Variants in USP53 observed in about 807,000 individuals in gnomAD.
USP53 encodes the protein ubiquitin specific peptidase 53.
A neutral mutation model predicts 94.9 loss-of-function variants in USP53; 71 were observed. That is an observed-to-expected ratio of 0.75 (90% CI 0.62 to 0.91). The LOEUF (loss-of-function observed/expected upper bound fraction) is 0.91. USP53 is among the 40% of genes least tolerant of loss of function. The pLI is 0.00. For missense variants in USP53, 1,173 were observed against 1,281.0 expected (o/e 0.92, Z 1.29); for synonymous variants, 375 against 422.7 (o/e 0.89, Z 1.39).
chr4:119,251,832 C>T (rs964100009), intron 7 of USP53, among the ~76,000 whole-genome samples: 18 of 152,268 alleles, frequency 1.2e-4, no homozygotes, highest in African/African-American at 4.3e-4. Context: ...GGAATGCTTC[C>T]AGTTTTTGTC....
At chr4:119,265,843 T>C (rs1751064201) in intron 12 of USP53, among the ~76,000 whole-genome samples, 1 of 152,252 alleles carries the variant, frequency 6.6e-6, no homozygotes, top group African/African-American at 2.4e-5. Context: ...GTGGTGTTTT[T>C]GTTTGGTTGG....
At chr4:119,264,064 A>AAAAC (rs1317883186) in intron 12 of USP53, among the ~76,000 whole-genome samples, 6 of 152,192 alleles carry the variant, frequency 3.9e-5, no homozygotes, top group African/African-American at 1.4e-4. Flanking sequence ...ACTCCGTCTC[A>AAAAC]AAACAAACAA....
At chr4:119,291,366 G>A (rs10006850) in intron 18 of USP53, 105 bp downstream of exon 18, 470,934 of 614,876 alleles carry the variant, frequency 0.77, 180,509 homozygotes, top group Non-Finnish European at 0.78. Context: ...CTATAGTATT[G>A]AGATGCCTTT....
intron 3 of USP53, among the ~76,000 whole-genome samples, chr4:119,230,223 A>G (rs1481370151): frequency 6.6e-6 from 1 of 152,142 alleles, no homozygotes; most frequent in Non-Finnish European, 1.5e-5. Context: ...ATACATATAT[A>G]CACCTCCTTG....
At chr4:119,225,028 T>C (rs1745048629) in intron 3 of USP53, among the ~76,000 whole-genome samples, 1 of 152,062 alleles carries the variant, frequency 6.6e-6, no homozygotes, top group Non-Finnish European at 1.5e-5. Flanking sequence ...TTCTTTGAAA[T>C]TATCAATAAA....
In USP53 at chr4:119,292,361, G is replaced by C. The variant is rs779074225; in HGVS notation, c.2372G>C (p.Gly791Ala). The change falls in exon 19 of 19, where the codon GGA becomes GCA. Residue 791 changes from glycine (G) to alanine (A), a missense_variant. Physicochemically the swap from Gly to Ala is moderately conservative, Grantham distance 60. Transcript: ENST00000692078. The part of the protein sequence containing the change: ...IKRSHVHEDN[G>A]KLFPSSSLQI... ...AGATCACATGTACATGAAGACAATG[G>C]AAAGTTATTTCCTTCATCCAGTCTA... 1.9e-6 allele frequency: 3 copies of C among 1,603,792 alleles called. No individual in the cohort carries two copies. In the South Asian group the frequency reaches 3.4e-5, roughly 18 times the overall value.
rs1016756035 is a variant in USP53, at chr4:119,212,727, C to G, written c.-1088C>G. 8.8e-6 allele frequency: 3 copies of G among 341,404 alleles called. No individual in the cohort carries two copies. Among genetic ancestry groups the G allele is most frequent in the African/African-American group, 6.5e-5 (3 of 46,500 alleles). 21.1% of individuals were successfully genotyped at this position (341,404 alleles called of 1,614,324 possible). Reference sequence around the variant, plus strand: ...GCCTGTGCTCCAGTTCCCGGTGAGCCTCGGTACTGTGGCAGCAGTCAGTGT... The same window carrying G: ...GCCTGTGCTCCAGTTCCCGGTGAGCGTCGGTACTGTGGCAGCAGTCAGTGT... On this transcript the variant is annotated 5_prime_UTR_variant, in exon 1 of 19. Coordinates refer to ENST00000692078, the MANE Select transcript of USP53 (RefSeq NM_001371395.1).
At chr4:119,240,053 G>C in intron 5 of USP53, 150 bp downstream of exon 5, 6 of 881,796 alleles carry the variant, frequency 6.8e-6, no homozygotes, top group Non-Finnish European at 9.0e-6. Flanking sequence ...AAGTGTTTTG[G>C]CTGGTCATTT....
In USP53 at chr4:119,261,783, C is replaced by T; in HGVS notation, c.891C>T (p.Tyr297=). 6.5e-7 allele frequency: 1 copy of T among 1,539,408 alleles called. No homozygotes were observed. The highest frequency in any genetic ancestry group is 8.9e-7 in the Non-Finnish European group (1 of 1,128,382). The change falls in exon 12 of 19, where the codon TAC becomes TAT. Residue 297 remains tyrosine (Y), a synonymous_variant. Transcript: ENST00000692078. ...SELNLVGMIC[Y]TSQHYCAFAF... ...TTAACCTTGTTGGTATGATCTGCTACACCAGCCAACATTATTGTGCCTTTG... is the reference window on the plus strand; with the variant it reads ...TTAACCTTGTTGGTATGATCTGCTATACCAGCCAACATTATTGTGCCTTTG...
intron 17 of USP53, among the ~76,000 whole-genome samples, chr4:119,274,400 A>G (rs1310606070): frequency 6.6e-6 from 1 of 151,958 alleles, no homozygotes; most frequent in East Asian, 1.9e-4. Context: ...TTCCAATTTC[A>G]TCCATGTCCC....
At chr4:119,256,044 C>T (rs1014274446) in intron 7 of USP53, among the ~76,000 whole-genome samples, 3 of 150,702 alleles carry the variant, frequency 2.0e-5, no homozygotes, top group Non-Finnish European at 2.9e-5. Context: ...AATTAAACAA[C>T]ATTTTCTTTC....
intron 10 of USP53, 78 bp from the exon 11 acceptor site, chr4:119,260,429 C>A: frequency 7.8e-7 from 1 of 1,288,010 alleles, no homozygotes; most frequent in South Asian, 1.8e-5. Flanking sequence ...TTAAAATTGT[C>A]ATTATATAAT....
chr4:119,215,577 G>T lies in USP53; in HGVS notation c.-789+1355G>T, dbSNP rs184231959. 7.2e-5 allele frequency among the ~76,000 whole-genome samples: 11 copies of T among 152,164 alleles called. No homozygotes were observed. In the East Asian group the frequency reaches 1.9e-3, roughly 27 times the overall value. On this transcript the variant is annotated intron_variant, in intron 2 of 18. Coordinates refer to ENST00000692078, the MANE Select transcript of USP53 (RefSeq NM_001371395.1). ...AGAACTGTGGTCTGTGGTTAGAATT[G>T]AGTTTTAATATAATTGGTTTTCTTT...
intron 10 of USP53, among the ~76,000 whole-genome samples, chr4:119,260,252 A>G (rs988735571): frequency 2.6e-5 from 4 of 152,092 alleles, no homozygotes; most frequent in Non-Finnish European, 5.9e-5. Flanking sequence ...ACTGACTTCA[A>G]GAGTTTTATT....
intron 15 of USP53, among the ~76,000 whole-genome samples, chr4:119,270,736 T>G (rs1023972571): frequency 1.3e-5 from 2 of 152,238 alleles, no homozygotes; most frequent in Non-Finnish European, 2.9e-5. Context: ...ACAGGCTGAT[T>G]TAAGATTTTT....
rs762057020 is a variant in USP53 at position 119,266,710 on chromosome 4, C to CT, written c.973-608dup. ...CCAGTCCTTTATTAGCTGTATGTTG[C>CT]TTATTTTTTTTCAATTTCTTAATGG... is the stretch of plus-strand genomic sequence containing the variant. On this transcript the variant is annotated intron_variant, in intron 12 of 18. Coordinates refer to ENST00000692078, the MANE Select transcript of USP53 (RefSeq NM_001371395.1). 8.4e-3 allele frequency among the ~76,000 whole-genome samples: 1,256 copies of CT among 149,714 alleles called. 11 individuals are homozygous for CT. Among genetic ancestry groups the CT allele is most frequent in the Middle Eastern group, 0.014 (4 of 288 alleles).
chr4:119,219,928 C>G (rs1468054818), intron 3 of USP53: 1 of 152,120 alleles, frequency 6.6e-6, no homozygotes, highest in Non-Finnish European at 1.5e-5. Flanking sequence ...TTCTGTCTCT[C>G]TCTCTTTCTC....
rs572746521 is a variant in USP53 at position 119,239,459 on chromosome 4, G to A, written c.-301G>A. 233 of 346,308 alleles carry A rather than the reference G, an allele frequency of 6.7e-4. 1 individual carries two copies. The highest frequency in any genetic ancestry group is 4.4e-3 in the African/African-American group (211 of 47,654). 21.5% of individuals were successfully genotyped at this position (346,308 alleles called of 1,614,324 possible). A position where few individuals can be genotyped will look rare whatever the true frequency, so the allele number is the denominator to read the frequency against. On this transcript the variant is annotated 5_prime_UTR_variant, in exon 5 of 19. Transcript: ENST00000692078. ...GTATTTTTAGCCATTAAAAAAAATC[G>A]TTTTCATATTAACCTTATACAGCTC...
chr4:119,250,197 A>G (rs1010989122), intron 7 of USP53, among the ~76,000 whole-genome samples: 2 of 152,004 alleles, frequency 1.3e-5, no homozygotes, highest in African/African-American at 4.8e-5. Context: ...GTCCTTATTT[A>G]TAAGGCTGTT....
Sources: gnomAD v4.1 joint callset for allele counts (sites outside exome capture counted in the v4.1 genomes callset) on GRCh38, gnomAD v4.1.1 for gene constraint, MANE v1.5 for transcripts, NCBI Gene and HGNC (gene_info 2026-07-23, HGNC 2026-07-21) for gene names.